Variants in MAP3K1 observed in about 807,000 individuals in gnomAD.
MAP3K1 encodes MAP/ERK kinase kinase 1.
In MAP3K1, 36 loss-of-function variants were observed where a neutral mutation model predicts 144.2. The observed-to-expected ratio is 0.25, with a 90% confidence interval of 0.19 to 0.33. MAP3K1 has a LOEUF of 0.33. Ranked by LOEUF, MAP3K1 falls within the 10% of genes least tolerant of loss-of-function variation. MAP3K1 has a pLI of 1.00. For missense variants in MAP3K1, 1,650 were observed against 1,881.9 expected (o/e 0.88, Z 2.28); for synonymous variants, 718 against 688.7 (o/e 1.04, Z -0.67).
chr5:56,873,959 A>T (rs975476658), intron 9 of MAP3K1, among the ~76,000 whole-genome samples: 1 of 152,140 alleles, frequency 6.6e-6, no homozygotes. Flanking sequence ...CCATCAAAGA[A>T]CTCTCAAGTT....
At chr5:56,817,327 C>G (rs1219034331) in intron 1 of MAP3K1, among the ~76,000 whole-genome samples, 1 of 152,160 alleles carries the variant, frequency 6.6e-6, no homozygotes, top group Non-Finnish European at 1.5e-5. Flanking sequence ...TGTAGAATTC[C>G]CTGACCTTTA....
intron 17 of MAP3K1, among the ~76,000 whole-genome samples, 160 bp downstream of exon 17, chr5:56,886,223 G>A (rs538809202): frequency 3.9e-5 from 6 of 152,226 alleles, no homozygotes; most frequent in Non-Finnish European, 8.8e-5. Flanking sequence ...GGCCAACATG[G>A]TGAAACCCTG....
chr5:56,871,827 A>G (rs1449643175), intron 6 of MAP3K1, 83 bp from the exon 7 acceptor site: 10 of 1,295,338 alleles, frequency 7.7e-6, no homozygotes, highest in Non-Finnish European at 1.1e-5. Flanking sequence ...TTTATATTCT[A>G]AGCAAGCAGA....
chr5:56,888,391 A>G (rs1360950740), intron 19 of MAP3K1, 34 bp downstream of exon 19: 3 of 1,608,742 alleles, frequency 1.9e-6, no homozygotes, highest in East Asian at 4.5e-5. Context: ...TCTTTGTGCT[A>G]AAAGGAGTAC....
chr5:56,878,886 TAC>T, intron 10 of MAP3K1, 92 bp from the exon 11 acceptor site: 1 of 1,057,130 alleles, frequency 9.5e-7, no homozygotes, highest in Non-Finnish European at 1.5e-6. Context: ...CATTCCTGTC[TAC>T]TTATTTTGTT....
rs774048753 is a variant in MAP3K1, at chr5:56,880,756, A to G, written c.2133A>G (p.Lys711=). The change falls in exon 12 of 20, where the codon AAA becomes AAG. Residue 711 remains lysine (K), a synonymous_variant. Coordinates refer to ENST00000399503, the MANE Select transcript of MAP3K1 (RefSeq NM_005921.2). ...TATCAACACTGTTGGAACTGTGCAAAGGCCAAGCAGGAGAGTTGGCAGTTG... is the reference window on the plus strand; with the variant it reads ...TATCAACACTGTTGGAACTGTGCAAGGGCCAAGCAGGAGAGTTGGCAGTTG... ...LSISTLLELC[K]GQAGELAVGR... 18 of 1,613,714 alleles carry G rather than the reference A, an allele frequency of 1.1e-5. No homozygotes were observed. Among genetic ancestry groups the G allele is most frequent in the Admixed American group, 1.7e-5 (1 of 59,974 alleles).
Position 56,838,040 on chromosome 5 carries a change from T to G in MAP3K1, c.483-18560T>G, listed in dbSNP as rs73135024. 3.1e-4 allele frequency among the ~76,000 whole-genome samples: 47 copies of G among 152,328 alleles called. No individual in the cohort carries two copies. In the East Asian group the frequency reaches 5.0e-3, roughly 16 times the overall value. Reference sequence around the variant, plus strand: ...TAGGGTTTTATTTTTATTTTTTGCTTCTTCTGTATGCTAGGCAAACTCACA... The same window carrying G: ...TAGGGTTTTATTTTTATTTTTTGCTGCTTCTGTATGCTAGGCAAACTCACA... On this transcript the variant is annotated intron_variant, in intron 1 of 19. Coordinates refer to ENST00000399503, the MANE Select transcript of MAP3K1 (RefSeq NM_005921.2).
intron 1 of MAP3K1, among the ~76,000 whole-genome samples, chr5:56,818,598 G>GT (rs1427617243): frequency 4.6e-5 from 7 of 152,220 alleles, no homozygotes; most frequent in Admixed American, 3.9e-4. Flanking sequence ...GAAAGTGCCT[G>GT]TAAGTGGCGC....
intron 3 of MAP3K1, among the ~76,000 whole-genome samples, chr5:56,860,326 C>CT (rs1747468350): frequency 6.6e-6 from 1 of 152,050 alleles, no homozygotes; most frequent in African/African-American, 2.4e-5. Flanking sequence ...AAATACGTGC[C>CT]TTTGTAATAT....
At chr5:56,844,422 G>A (rs1253388146) in intron 1 of MAP3K1, among the ~76,000 whole-genome samples, 4 of 151,880 alleles carry the variant, frequency 2.6e-5, no homozygotes, top group South Asian at 2.1e-4. Context: ...CTCGTGATCC[G>A]CCCGCCTTGG....
chr5:56,894,923 C>G lies in MAP3K1; in HGVS notation c.*1243C>G, dbSNP rs78433727. On this transcript the variant is annotated 3_prime_UTR_variant, in exon 20 of 20. Transcript: ENST00000399503. ...TGCACAGTTACCTAACGGTTTTAGT[C>G]TGGAGTTAAATTCAGATGCATGGAA... 4 of 232,070 alleles carry G rather than the reference C, an allele frequency of 1.7e-5. No homozygotes were observed. Among genetic ancestry groups the G allele is most frequent in the Non-Finnish European group, 3.4e-5 (4 of 117,360 alleles). The allele number at this position is 232,070 out of a possible 1,614,324, so 14.4% of individuals were successfully genotyped here. A position where few individuals can be genotyped will look rare whatever the true frequency, so the allele number is the denominator to read the frequency against.
In MAP3K1 at chr5:56,887,538, G is replaced by A; in HGVS notation, c.4257+18G>A. 6.2e-7 allele frequency: 1 copy of A among 1,613,874 alleles called. No individual in the cohort carries two copies. Among genetic ancestry groups the A allele is most frequent in the African/African-American group, 1.3e-5 (1 of 75,030 alleles). On this transcript the variant is annotated intron_variant, in intron 18 of 19. Transcript: ENST00000399503. ...CACCTGAGGTGAGAAGCATCTTTGA[G>A]TGTGATGACAGAAAATATTTTGGAA...
At chr5:56,819,279 C>T (rs568974990) in intron 1 of MAP3K1, among the ~76,000 whole-genome samples, 51 of 152,200 alleles carry the variant, frequency 3.4e-4, no homozygotes, top group African/African-American at 1.2e-3. Flanking sequence ...TTGTTAGATA[C>T]GAAAAACAGG....
chr5:56,891,803 A>G (rs1579790507), intron 19 of MAP3K1, among the ~76,000 whole-genome samples: 1 of 152,164 alleles, frequency 6.6e-6, no homozygotes, highest in Non-Finnish European at 1.5e-5. Context: ...TCATTTCCCC[A>G]TTTCTTGTTT....
At chr5:56,829,923 A>G (rs1746436597) in intron 1 of MAP3K1, among the ~76,000 whole-genome samples, 1 of 152,220 alleles carries the variant, frequency 6.6e-6, no homozygotes. Context: ...ATGATTTGCT[A>G]GGAGAGTTTT....
chr5:56,860,005 C>T (rs1747458591), intron 3 of MAP3K1, 90 bp downstream of exon 3: 7 of 1,159,514 alleles, frequency 6.0e-6, no homozygotes, highest in Non-Finnish European at 8.8e-6. Flanking sequence ...TCTGTTAGAA[C>T]ATCAGTTTTC....
chr5:56,866,292 C>T (rs1243150352), intron 6 of MAP3K1, among the ~76,000 whole-genome samples: 1 of 152,066 alleles, frequency 6.6e-6, no homozygotes, highest in Non-Finnish European at 1.5e-5. Context: ...CCTGTAGTCC[C>T]AGTTACTCGA....
rs1172032327 is a variant in MAP3K1, at chr5:56,875,204, G to A, written c.1859G>A (p.Ser620Asn). ...AGCAGCCCGAGTGGGGGAGCCACCA[G>A]TGGGTCTTCCCAGACCAGTATCTCA... Reference protein sequence around the residue: ...SGSSPSGGATSGSSQTSISGD... With the variant: ...SGSSPSGGATNGSSQTSISGD... The change falls in exon 10 of 20, where the codon AGT becomes AAT. Residue 620 changes from serine to asparagine, a missense_variant. Coordinates refer to ENST00000399503, the MANE Select transcript of MAP3K1 (RefSeq NM_005921.2). The A allele has an allele frequency of 6.2e-7, 1 of 1,614,172 alleles. No homozygotes were observed. Among genetic ancestry groups the A allele is most frequent in the African/African-American group, 1.3e-5 (1 of 75,056 alleles).
rs1174054009 is a variant in MAP3K1, at chr5:56,816,470, C to T, written c.482+415C>T. ...GGCAAAGGCACTGGGGGGCGAGGCC[C>T]GAGCCTGAGGCGGGCGGTGGTCGGA... On this transcript the variant is annotated intron_variant, in intron 1 of 19. Transcript: ENST00000399503. Among the ~76,000 whole-genome samples, 3 of 151,816 alleles carry T rather than the reference C, an allele frequency of 2.0e-5. No individual in the cohort carries two copies. In the South Asian group the frequency reaches 6.2e-4, roughly 32 times the overall value.
Sources: gnomAD v4.1 joint callset for allele counts (sites outside exome capture counted in the v4.1 genomes callset) on GRCh38, gnomAD v4.1.1 for gene constraint, MANE v1.5 for transcripts, NCBI Gene and HGNC (gene_info 2026-07-23, HGNC 2026-07-21) for gene names.